The following FAF1 variants were observed in gnomAD, a reference collection of about 807,000 sequenced individuals.
FAF1 encodes FAS-associated factor 1.
In FAF1, 25 loss-of-function variants were observed where a neutral mutation model predicts 92.5. The ratio of observed to expected loss-of-function variants is 0.27; its 90% confidence interval spans 0.20 to 0.38. The LOEUF (loss-of-function observed/expected upper bound fraction) is 0.38, where lower values mean the gene tolerates loss of function less well. FAF1 is among the 10% of genes least tolerant of loss of function. FAF1 has a pLI of 1.00. For synonymous variants in FAF1, 234 were observed against 273.2 expected (o/e 0.86, Z 1.42); for missense variants, 636 against 793.3 (o/e 0.80, Z 2.38).
chr1:50,696,620 A>G (rs993497676), intron 7 of FAF1, among the ~76,000 whole-genome samples: 4 of 152,208 alleles, frequency 2.6e-5, no homozygotes, highest in African/African-American at 4.8e-5. Flanking sequence ...TGGATACCAT[A>G]TATCTCTGGA....
At chr1:50,626,735 A>G (rs1653515488) in intron 8 of FAF1, among the ~76,000 whole-genome samples, 3 of 152,178 alleles carry the variant, frequency 2.0e-5, no homozygotes. Flanking sequence ...ATTCTGATAT[A>G]GTACGGAGAG....
At chr1:50,527,811 G>GTCTCTCTCTCTCTCTCTCTCTC (rs9326017) in intron 15 of FAF1, among the ~76,000 whole-genome samples, 1 of 75,316 alleles carries the variant, frequency 1.3e-5, no homozygotes, top group Non-Finnish European at 2.4e-5. Context: ...TTACTCTGCT[G>GTCTCTCTCTCTCTCTCTCTCTC]TCTCTCTCTC....
chr1:50,833,588 C>T (rs1644174715), intron 2 of FAF1, among the ~76,000 whole-genome samples: 1 of 152,066 alleles, frequency 6.6e-6, no homozygotes, highest in African/African-American at 2.4e-5. Context: ...ATCTCTATCC[C>T]CTGTCCTCTC....
Position 50,641,450 on chromosome 1 carries a change from A to T in FAF1, c.744+13992T>A, listed in dbSNP as rs547794593. Among the ~76,000 whole-genome samples, 114 of 152,286 alleles carry T rather than the reference A, an allele frequency of 7.5e-4. 1 individual carries two copies. Among genetic ancestry groups the T allele is most frequent in the African/African-American group, 2.6e-3 (110 of 41,560 alleles). ...GATTTCTTCTTTGACTCATGAATTT[A>T]AAAAAATAGTATGTTTTTTATTTCA... On this transcript the variant is annotated intron_variant, in intron 8 of 18. Transcript: ENST00000396153.
chr1:50,672,028 T>TA (rs1553127238), intron 7 of FAF1, among the ~76,000 whole-genome samples: 20 of 149,442 alleles, frequency 1.3e-4, no homozygotes, highest in African/African-American at 4.7e-4. Flanking sequence ...TCTTTTTTTT[T>TA]TTTTTATTAT....
At chr1:50,907,806 T>A (rs898660370) in intron 1 of FAF1, among the ~76,000 whole-genome samples, 25 of 152,206 alleles carry the variant, frequency 1.6e-4, no homozygotes, top group Admixed American at 7.9e-4. Context: ...ATTTTGCTGA[T>A]CTTTTCAAAA....
chr1:50,532,085 T>C (rs963573190), intron 15 of FAF1, among the ~76,000 whole-genome samples: 2 of 152,290 alleles, frequency 1.3e-5, no homozygotes, highest in Admixed American at 6.5e-5. Context: ...ATGGTCTATG[T>C]ATAGTCCAAA....
chr1:50,864,116 A>G (rs1475572287), intron 1 of FAF1, among the ~76,000 whole-genome samples: 1 of 151,344 alleles, frequency 6.6e-6, no homozygotes, highest in African/African-American at 2.4e-5. Flanking sequence ...TAGTCTTGCT[A>G]GCGGTCTATC....
rs761341843 is a variant in FAF1, at chr1:50,788,089, A to G, written c.278T>C (p.Ile93Thr). 3.7e-6 allele frequency: 6 copies of G among 1,614,148 alleles called. No homozygotes were observed. Among genetic ancestry groups the G allele is most frequent in the Non-Finnish European group, 5.1e-6 (6 of 1,179,994 alleles). The change falls in exon 4 of 19, where the codon ATT becomes ACT. Residue 93 changes from isoleucine to threonine, a missense_variant. Ile to Thr is a moderately conservative substitution (Grantham distance 89, BLOSUM62 -1). Around this residue, in one of 2 missense-constraint regions of FAF1, gnomAD observed 317 missense variants for 342.4 expected, o/e 0.93. Transcript: ENST00000396153. ...AFRPVMPSRQ[I>T]VERQPRMLDF... is the part of the protein sequence containing the mutation. Reference sequence around the variant, plus strand: ...CAGCATCCGAGGTTGCCTTTCTACAATCTGCCTGGATGGCATTACAGGTCG... The same window carrying G: ...CAGCATCCGAGGTTGCCTTTCTACAGTCTGCCTGGATGGCATTACAGGTCG...
chr1:50,649,529 T>C (rs1654759232), intron 8 of FAF1, among the ~76,000 whole-genome samples: 1 of 152,208 alleles, frequency 6.6e-6, no homozygotes, highest in South Asian at 2.1e-4. Context: ...AAATATTTAA[T>C]AAGTAGCTTT....
In FAF1 at chr1:50,620,931, T is replaced by C. The variant is rs1653165685; in HGVS notation, c.745-24715A>G. Among the ~76,000 whole-genome samples the C allele has an allele frequency of 2.0e-5, 3 of 152,222 alleles. No individual in the cohort carries two copies. In the South Asian group the frequency reaches 6.2e-4, roughly 31 times the overall value. On this transcript the variant is annotated intron_variant, in intron 8 of 18. Coordinates refer to ENST00000396153, the MANE Select transcript of FAF1 (RefSeq NM_007051.3). ...TCCAGTCACTGGCACTGTGCCTGCA[T>C]TTTCTTTTGTTAGGTGTTCCGGGCC...
At chr1:50,548,812 A>G (rs1649155560) in intron 13 of FAF1, among the ~76,000 whole-genome samples, 1 of 152,280 alleles carries the variant, frequency 6.6e-6, no homozygotes, top group Non-Finnish European at 1.5e-5. Flanking sequence ...TGCAAGCAGC[A>G]TAGTATTGTG....
intron 7 of FAF1, among the ~76,000 whole-genome samples, chr1:50,682,643 T>C (rs1412234303): frequency 1.3e-5 from 2 of 152,190 alleles, no homozygotes; most frequent in Non-Finnish European, 2.9e-5. Context: ...CAAAAGTAAA[T>C]CTGCTATATA....
At chr1:50,775,625 G>A (rs921523166) in intron 4 of FAF1, among the ~76,000 whole-genome samples, 8 of 152,112 alleles carry the variant, frequency 5.3e-5, no homozygotes, top group Middle Eastern at 3.4e-3. Context: ...GAGGAGATGC[G>A]TGTTTTAGAA....
At chr1:50,775,444 T>C (rs17106366) in intron 4 of FAF1, among the ~76,000 whole-genome samples, 2,476 of 152,200 alleles carry the variant, frequency 0.016, 73 homozygotes, top group African/African-American at 0.055. Flanking sequence ...TATGGGATCA[T>C]AGCGGATGAT....
chr1:50,739,260 G>A (rs112479181), intron 5 of FAF1, among the ~76,000 whole-genome samples: 2,308 of 142,114 alleles, frequency 0.016, 59 homozygotes, highest in African/African-American at 0.055. Flanking sequence ...CTATATATGT[G>A]CATGTGTACA....
rs1056762709 is a variant in FAF1, at chr1:50,596,148, A to C, written c.813T>G (p.Pro271=). The C allele has an allele frequency of 1.2e-6, 2 of 1,613,936 alleles. No individual in the cohort carries two copies. Among genetic ancestry groups the C allele is most frequent in the Non-Finnish European group, 1.7e-6 (2 of 1,179,832 alleles). ...CTTCCGACTGTTCCCGGGTCTGTGC[A>C]GGTGAAGATCTTCTTCCCACTGTAA... is the stretch of plus-strand genomic sequence containing the variant. ...HRLTVGRRSS[P]AQTREQSEEQ... The change falls in exon 9 of 19, where the codon CCT becomes CCG. Residue 271 remains proline, a synonymous_variant. Transcript: ENST00000396153.
intron 8 of FAF1, among the ~76,000 whole-genome samples, chr1:50,645,626 C>A (rs534627985): frequency 6.6e-6 from 1 of 152,220 alleles, no homozygotes; most frequent in East Asian, 1.9e-4. Flanking sequence ...AGTTTGAGAC[C>A]AGCCTGGCCA....
chr1:50,491,271 T>C (rs1646836092), intron 16 of FAF1, among the ~76,000 whole-genome samples: 2 of 152,340 alleles, frequency 1.3e-5, no homozygotes, highest in Admixed American at 1.3e-4. Flanking sequence ...TACAGCTACT[T>C]GTGTTCTTTA....
Sources: gnomAD v4.1 joint callset for allele counts (sites outside exome capture counted in the v4.1 genomes callset) on GRCh38, gnomAD v4.1.1 for gene constraint, gnomAD v4.1.1 regional missense constraint, MANE v1.5 for transcripts, NCBI Gene and HGNC (gene_info 2026-07-23, HGNC 2026-07-21) for gene names.